The following MDN1 variants were observed in gnomAD, a reference collection of about 807,000 sequenced individuals.
MDN1 encodes the protein midasin AAA ATPase 1.
A neutral mutation model predicts 669.2 loss-of-function variants in MDN1; 266 were observed. The observed-to-expected ratio is 0.40, with a 90% CI of 0.36 to 0.44. MDN1 has a LOEUF of 0.44. Ranked by LOEUF, MDN1 falls within the 20% of genes least tolerant of loss-of-function variation. MDN1 has a pLI of 1.00. For synonymous variants in MDN1, 2,385 were observed against 2,457.1 expected (o/e 0.97, Z 0.87); for missense variants, 5,940 against 6,754.0 (o/e 0.88, Z 4.22).
At chr6:89,811,227 T>C (rs144090668) in intron 1 of MDN1, among the ~76,000 whole-genome samples, 1 of 152,172 alleles carries the variant, frequency 6.6e-6, no homozygotes, top group Non-Finnish European at 1.5e-5. Flanking sequence ...CATGAAAGGG[T>C]AAATGCCAGG....
chr6:89,675,746 T>A (rs1811136874), intron 77 of MDN1, 167 bp from the exon 78 acceptor site: 2 of 595,616 alleles, frequency 3.4e-6, no homozygotes, highest in Non-Finnish European at 5.9e-6. Flanking sequence ...CACAGATCAT[T>A]GAGATTCCAT....
chr6:89,727,696 C>T, intron 37 of MDN1, 137 bp downstream of exon 37: 1 of 1,391,434 alleles, frequency 7.2e-7, no homozygotes, highest in Non-Finnish European at 9.9e-7. Context: ...AAGAAAACTA[C>T]AGAGGATCTT....
intron 59 of MDN1, among the ~76,000 whole-genome samples, chr6:89,697,203 T>TTA (rs1314644959): frequency 6.6e-6 from 1 of 152,202 alleles, no homozygotes; most frequent in African/African-American, 2.4e-5. Context: ...AAAGGAGGAA[T>TTA]TAGTCAAAAT....
At chr6:89,795,825 C>G (rs1262221414) in intron 2 of MDN1, among the ~76,000 whole-genome samples, 2 of 151,854 alleles carry the variant, frequency 1.3e-5, no homozygotes, top group Non-Finnish European at 2.9e-5. Flanking sequence ...GGTGGTGGCT[C>G]ATGCCTGTAA....
At chr6:89,742,135 G>A (rs1263494728) in intron 31 of MDN1, among the ~76,000 whole-genome samples, 4 of 151,280 alleles carry the variant, frequency 2.6e-5, no homozygotes, top group South Asian at 2.1e-4. Flanking sequence ...CCTCCAGGAC[G>A]GGTGCAGTGG....
At chr6:89,758,228 GAA>G (rs1584327011) in intron 19 of MDN1, 25 bp downstream of exon 19, 1 of 1,565,306 alleles carries the variant, frequency 6.4e-7, no homozygotes, top group East Asian at 2.2e-5. Context: ...TGCAAAAAAG[GAA>G]AGTCTCCAAG....
At chr6:89,784,233 C>T (rs1290232386) in intron 9 of MDN1, among the ~76,000 whole-genome samples, 1 of 151,978 alleles carries the variant, frequency 6.6e-6, no homozygotes, top group African/African-American at 2.4e-5. Context: ...ATGAGAATTG[C>T]TTGAACCAGG....
chr6:89,746,651 A>AAAGAAAG (rs1816652015), intron 27 of MDN1, among the ~76,000 whole-genome samples: 4 of 148,134 alleles, frequency 2.7e-5, no homozygotes, highest in Admixed American at 2.0e-4. Flanking sequence ...AAGAAAGAAA[A>AAAGAAAG]AAAGTTTTTA....
At chr6:89,736,789 C>T (rs1038751143) in intron 33 of MDN1, among the ~76,000 whole-genome samples, 2 of 152,120 alleles carry the variant, frequency 1.3e-5, no homozygotes, top group Admixed American at 6.6e-5. Flanking sequence ...GACCTTGTCT[C>T]CCCACAACCC....
At chr6:89,713,413 CT>C in intron 46 of MDN1, 117 bp from the exon 47 acceptor site, 1 of 906,406 alleles carries the variant, frequency 1.1e-6, no homozygotes, top group Non-Finnish European at 1.7e-6. Context: ...CAAATACTTA[CT>C]TTACAAAACA....
chr6:89,795,282 T>C (rs1037273664), intron 2 of MDN1, among the ~76,000 whole-genome samples: 4 of 152,182 alleles, frequency 2.6e-5, no homozygotes, highest in African/African-American at 7.2e-5. Flanking sequence ...CTTGAGGAGT[T>C]TGCTGTCTAG....
chr6:89,722,075 C>T (rs1039871566), intron 40 of MDN1, among the ~76,000 whole-genome samples: 1 of 152,194 alleles, frequency 6.6e-6, no homozygotes, highest in Non-Finnish European at 1.5e-5. Flanking sequence ...CTGTAAGATG[C>T]CATGACAGCA....
At chr6:89,788,791 A>G (rs1295081282) in intron 7 of MDN1, among the ~76,000 whole-genome samples, 1 of 152,224 alleles carries the variant, frequency 6.6e-6, no homozygotes, top group East Asian at 1.9e-4. Context: ...TAGGTAGACA[A>G]AATAAGCCAG....
intron 40 of MDN1, among the ~76,000 whole-genome samples, chr6:89,721,732 G>T (rs1482555746): frequency 6.6e-6 from 1 of 152,062 alleles, no homozygotes; most frequent in South Asian, 2.1e-4. Flanking sequence ...TTTGTAGACC[G>T]CCTGATGGAG....
At chr6:89,796,342 A>AAAC (rs1554199833) in intron 2 of MDN1, among the ~76,000 whole-genome samples, 1 of 87,014 alleles carries the variant, frequency 1.1e-5, no homozygotes, top group African/African-American at 5.2e-5. Flanking sequence ...AAAAAAAAAA[A>AAAC]AAAAAAAACA....
At position 89,750,238 on chromosome 6, in the gene MDN1, C is replaced by T. The variant is rs916024663; in HGVS notation, c.3406+116G>A. The T allele has an allele frequency of 1.4e-4, 151 of 1,050,102 alleles. 1 individual carries two copies. The East Asian group carries it at 3.5e-3, about 24-fold the overall frequency. The allele number at this position is 1,050,102 out of a possible 1,614,324, so 65.0% of individuals were successfully genotyped here. On this transcript the variant is annotated intron_variant, in intron 24 of 101. Coordinates refer to ENST00000369393, the MANE Select transcript of MDN1 (RefSeq NM_014611.3). ...TCTTAGCTCAGGCATCAAGAAAAGC[C>T]GGCTGTTACAGCAAAGGTCCATGTG...
At chr6:89,725,144 T>C (rs1168529678) in intron 38 of MDN1, 55 bp downstream of exon 38, 7 of 1,490,960 alleles carry the variant, frequency 4.7e-6, no homozygotes, top group Non-Finnish European at 6.5e-6. Context: ...TTCATAATAG[T>C]AGTCTTATCC....
intron 27 of MDN1, among the ~76,000 whole-genome samples, chr6:89,746,611 A>AAAAG (rs35724331): frequency 0.18 from 7,129 of 40,138 alleles, 333 homozygotes; most frequent in Middle Eastern, 0.34. Context: ...AAAAAAAAAA[A>AAAAG]AAAGAAAGAA....
chr6:89,763,073 A>C (rs931238619), intron 15 of MDN1, among the ~76,000 whole-genome samples: 6 of 152,174 alleles, frequency 3.9e-5, no homozygotes, highest in Non-Finnish European at 7.3e-5. Context: ...AAGTAAAAAA[A>C]AATTGAAAGT....
Sources: allele counts gnomAD v4.1 joint callset (sites outside exome capture counted in the v4.1 genomes callset), GRCh38; gene constraint gnomAD v4.1.1; transcripts MANE v1.5; gene names NCBI Gene and HGNC (gene_info 2026-07-23, HGNC 2026-07-21).